TMTC1: variants seen among roughly 807,000 people sequenced by gnomAD.
TMTC1 encodes the protein transmembrane O-mannosyltransferase targeting cadherins 1.
In TMTC1, 73 loss-of-function variants were observed where a neutral mutation model predicts 104.8. The ratio of observed to expected loss-of-function variants is 0.70; its 90% CI spans 0.58 to 0.85. TMTC1 has a LOEUF of 0.85. TMTC1 is among the 40% of genes least tolerant of loss of function. The pLI, the probability that TMTC1 is intolerant of heterozygous loss-of-function variation, is 0.00. For missense variants in TMTC1, 1,035 were observed against 1,096.1 expected (o/e 0.94, Z 0.79); for synonymous variants, 434 against 428.7 (o/e 1.01, Z -0.15).
rs765983072 is a variant in TMTC1 at position 29,517,536 on chromosome 12, G to C, written c.2060C>G (p.Ser687Ter). 5 of 1,614,030 alleles carry C rather than the reference G, an allele frequency of 3.1e-6. No homozygotes were observed. The Admixed American group carries it at 6.7e-5, about 22-fold the overall frequency. Reference sequence around the variant, plus strand: ...GTTGTAATACAGTGCTCCCAAAGGTGACAATATCTCAGCTTTGTGTGCCAC... The same window carrying C: ...GTTGTAATACAGTGCTCCCAAAGGTCACAATATCTCAGCTTTGTGTGCCAC... ...LQVAHKAEIL[S>*]PLGALYYNTG... Residue 687 changes from serine (S) to a stop codon, truncating the protein, a stop_gained, in exon 14 of 18, where the codon TCA (serine) becomes TGA (stop). Transcript: ENST00000539277. LOFTEE classifies it high-confidence loss of function.
intron 1 of TMTC1, among the ~76,000 whole-genome samples, chr12:29,776,006 A>C (rs1024421141): frequency 6.6e-6 from 1 of 152,188 alleles, no homozygotes; most frequent in African/African-American, 2.4e-5. Context: ...ACCAGAAAAA[A>C]ATCACTGTCA....
chr12:29,557,600 C>T (rs948036516), intron 9 of TMTC1, among the ~76,000 whole-genome samples: 13 of 152,212 alleles, frequency 8.5e-5, no homozygotes, highest in African/African-American at 3.1e-4. Flanking sequence ...CAGGCGTCCG[C>T]CACCACGCCC....
In TMTC1 at chr12:29,583,560, A is replaced by G; in HGVS notation, c.1265T>C (p.Ile422Thr). The G allele has an allele frequency of 6.2e-7, 1 of 1,613,154 alleles. No individual in the cohort carries two copies. The highest frequency in any genetic ancestry group is 8.5e-7 in the Non-Finnish European group (1 of 1,179,524). The change falls in exon 8 of 18, where the codon ATC (isoleucine) becomes ACC (threonine). Residue 422 changes from isoleucine to threonine, a missense_variant. By Grantham distance (89) the Ile-to-Thr change is moderately conservative. Coordinates refer to ENST00000539277, the MANE Select transcript of TMTC1 (RefSeq NM_001193451.2). The part of the protein sequence containing the change: ...VLYMPSMGYC[I>T]LFVHGLSKLC... ...CTTGCTCAGTCCATGCACAAAAAGG[A>G]TGCAGTAGCCCATGCTGGAAAACAG...
At chr12:29,725,534 A>C (rs927202084) in intron 5 of TMTC1, among the ~76,000 whole-genome samples, 2 of 152,204 alleles carry the variant, frequency 1.3e-5, no homozygotes, top group Non-Finnish European at 2.9e-5. Flanking sequence ...TCTCATTCTG[A>C]ATTAGCAGAT....
intron 1 of TMTC1, among the ~76,000 whole-genome samples, chr12:29,771,378 A>G (rs1370342578): frequency 6.6e-6 from 1 of 152,216 alleles, no homozygotes; most frequent in Non-Finnish European, 1.5e-5. Flanking sequence ...CTATGTACAC[A>G]GAGTTAACGT....
At chr12:29,682,031 T>A (rs761876125) in intron 5 of TMTC1, among the ~76,000 whole-genome samples, 2 of 152,104 alleles carry the variant, frequency 1.3e-5, no homozygotes, top group Non-Finnish European at 2.9e-5. Flanking sequence ...GTATCTATAA[T>A]AAATTAAGAA....
chr12:29,646,687 C>T (rs2136578687), intron 5 of TMTC1, among the ~76,000 whole-genome samples: 1 of 152,212 alleles, frequency 6.6e-6, no homozygotes, highest in South Asian at 2.1e-4. Flanking sequence ...CGCTCATTGA[C>T]CTTGATAATC....
chr12:29,728,511 A>G (rs1433432423), intron 5 of TMTC1, among the ~76,000 whole-genome samples: 3 of 152,150 alleles, frequency 2.0e-5, no homozygotes, highest in Admixed American at 2.0e-4. Flanking sequence ...AGGGAAAGGA[A>G]TGACTACCCA....
chr12:29,651,513 A>T (rs551975147), intron 5 of TMTC1, among the ~76,000 whole-genome samples: 75 of 152,190 alleles, frequency 4.9e-4, no homozygotes, highest in African/African-American at 1.7e-3. Context: ...GGCCCCACTA[A>T]CTTTCTCTCC....
intron 7 of TMTC1, among the ~76,000 whole-genome samples, chr12:29,594,956 T>C (rs1946369568): frequency 6.6e-6 from 1 of 152,220 alleles, no homozygotes; most frequent in Non-Finnish European, 1.5e-5. Flanking sequence ...AGCAGAGGCC[T>C]ATATTTATGT....
At chr12:29,755,443 G>T (rs781445728) in intron 4 of TMTC1, among the ~76,000 whole-genome samples, 23 of 152,170 alleles carry the variant, frequency 1.5e-4, no homozygotes, top group Admixed American at 3.9e-4. Flanking sequence ...ATATAAACTT[G>T]CAATTAACAC....
rs536610757 is a variant in TMTC1, at chr12:29,633,015, G to A, written c.1128+132C>T. On this transcript the variant is annotated intron_variant, in intron 6 of 17. Transcript: ENST00000539277. ...AGGTGGCCATGGTATGTTATTACCC[G>A]CTACAAAAAATTTACATAGACAAGG... is the stretch of plus-strand genomic sequence containing the variant. The A allele has an allele frequency of 6.6e-4, 489 of 744,482 alleles. 1 individual carries two copies. The highest frequency in any genetic ancestry group is 1.3e-3 in the African/African-American group (72 of 57,424). The allele number at this position is 744,482 out of a possible 1,614,324, so 46.1% of individuals were successfully genotyped here.
chr12:29,569,399 C>T (rs898928625), intron 9 of TMTC1, among the ~76,000 whole-genome samples: 1 of 152,164 alleles, frequency 6.6e-6, no homozygotes, highest in African/African-American at 2.4e-5. Flanking sequence ...TGGATAATTG[C>T]TGGAATTGAT....
intron 5 of TMTC1, among the ~76,000 whole-genome samples, chr12:29,666,998 GCTT>G (rs1487541516): frequency 6.6e-6 from 1 of 152,124 alleles, no homozygotes; most frequent in Non-Finnish European, 1.5e-5. Context: ...CAGATTTACT[GCTT>G]CTCTTTGAAA....
At chr12:29,543,745 C>G (rs922738831) in intron 10 of TMTC1, among the ~76,000 whole-genome samples, 1 of 152,268 alleles carries the variant, frequency 6.6e-6, no homozygotes, top group East Asian at 1.9e-4. Context: ...ACTATCTTTC[C>G]TGTACAGAAA....
chr12:29,700,234 T>G (rs188540533), intron 5 of TMTC1, among the ~76,000 whole-genome samples: 3 of 150,894 alleles, frequency 2.0e-5, no homozygotes, highest in Admixed American at 2.0e-4. Flanking sequence ...TTTCTTTTTT[T>G]TTTTGTTTTT....
intron 5 of TMTC1, among the ~76,000 whole-genome samples, chr12:29,730,920 G>A (rs1399369613): frequency 1.3e-5 from 2 of 152,084 alleles, no homozygotes; most frequent in Admixed American, 6.5e-5. Context: ...TTAAATCCCT[G>A]TTTTATGCAA....
chr12:29,772,895 A>G (rs1471784763), intron 1 of TMTC1, among the ~76,000 whole-genome samples: 1 of 152,188 alleles, frequency 6.6e-6, no homozygotes, highest in East Asian at 1.9e-4. Context: ...CATTGTATCC[A>G]TCTCACTCAG....
At chr12:29,543,691 T>C (rs1209792384) in intron 10 of TMTC1, among the ~76,000 whole-genome samples, 1 of 152,242 alleles carries the variant, frequency 6.6e-6, no homozygotes, top group Non-Finnish European at 1.5e-5. Context: ...TGTAAACGTC[T>C]GACTGAGATG....
Sources: gnomAD v4.1 joint callset for allele counts (sites outside exome capture counted in the v4.1 genomes callset) on GRCh38, gnomAD v4.1.1 for gene constraint, MANE v1.5 for transcripts, NCBI Gene and HGNC (gene_info 2026-07-23, HGNC 2026-07-21) for gene names.